The following DNAH7 variants were observed in gnomAD, a reference collection of about 807,000 sequenced individuals.
DNAH7 encodes the protein axonemal beta dynein heavy chain 7.
DNAH7 carries 397 observed loss-of-function variants against 444.6 expected under a neutral mutation model. The observed-to-expected ratio is 0.89, with a 90% CI of 0.82 to 0.97. The LOEUF (loss-of-function observed/expected upper bound fraction) is 0.97, where lower values mean the gene tolerates loss of function less well. Ranked by LOEUF, DNAH7 falls within the 50% of genes least tolerant of loss-of-function variation. DNAH7 has a pLI of 0.00. For synonymous variants in DNAH7, 1,636 were observed against 1,624.4 expected, an observed-to-expected ratio of 1.01 and a Z score of -0.17; for missense variants, 4,902 against 4,800.8, an observed-to-expected ratio of 1.02 and a Z score of -0.62.
intron 45 of DNAH7, 33 bp downstream of exon 45, chr2:195,855,777 GA>G (rs764875387): frequency 6.2e-7 from 1 of 1,603,898 alleles, no homozygotes; most frequent in Admixed American, 1.7e-5. Context: ...CGATAACTGA[GA>G]ATTTGTCCAT....
At chr2:195,775,805 T>C in intron 60 of DNAH7, 41 bp downstream of exon 60, 1 of 1,591,580 alleles carries the variant, frequency 6.3e-7, no homozygotes, top group Non-Finnish European at 8.6e-7. Flanking sequence ...GGGAGCATCC[T>C]TCCCAGGCCT....
chr2:195,970,324 T>C (rs183157808), intron 16 of DNAH7, among the ~76,000 whole-genome samples: 43 of 152,334 alleles, frequency 2.8e-4, no homozygotes, highest in Admixed American at 2.6e-3. Flanking sequence ...AACTCTGTAT[T>C]ATCTATGTAA....
At chr2:195,949,904 T>C (rs1690102045) in intron 19 of DNAH7, among the ~76,000 whole-genome samples, 1 of 152,198 alleles carries the variant, frequency 6.6e-6, no homozygotes, top group Admixed American at 6.5e-5. Flanking sequence ...TGGATTACGT[T>C]TACTGATTTG....
At chr2:195,920,815 A>G (rs947571837) in intron 24 of DNAH7, among the ~76,000 whole-genome samples, 1 of 152,226 alleles carries the variant, frequency 6.6e-6, no homozygotes, top group Non-Finnish European at 1.5e-5. Flanking sequence ...TTTGCAAACT[A>G]TGCATCTGAC....
At chr2:195,919,974 G>A (rs901101187) in intron 24 of DNAH7, among the ~76,000 whole-genome samples, 1 of 152,108 alleles carries the variant, frequency 6.6e-6, no homozygotes, top group Non-Finnish European at 1.5e-5. Context: ...GTACAGATAT[G>A]GGGTCTTCAA....
intron 5 of DNAH7, among the ~76,000 whole-genome samples, chr2:196,045,334 GAGGAAGGGAGGGAGGGA>G (rs1559365638): frequency 2.6e-5 from 4 of 151,404 alleles, no homozygotes; most frequent in Admixed American, 2.6e-4. Context: ...ATAAAAGAGG[GAGGAAGGGAGGGAGGGA>G]AGGAAGGAAG....
chr2:195,922,906 G>T (rs746697843), intron 23 of DNAH7, among the ~76,000 whole-genome samples: 1 of 151,878 alleles, frequency 6.6e-6, no homozygotes, highest in South Asian at 2.1e-4. Flanking sequence ...CTGTCACCCA[G>T]GCTGGAGTGC....
chr2:195,987,818 G>A (rs1693023504), intron 13 of DNAH7, 139 bp downstream of exon 13: 1 of 838,226 alleles, frequency 1.2e-6, no homozygotes, highest in African/African-American at 1.7e-5. Context: ...CAATGCTAGG[G>A]ACACATCAGA....
chr2:195,915,236 G>A lies in DNAH7; in HGVS notation c.3936-5041C>T, dbSNP rs370065085. 4.6e-5 allele frequency among the ~76,000 whole-genome samples: 7 copies of A among 152,262 alleles called. No homozygotes were observed. In the East Asian group the frequency reaches 1.2e-3, roughly 25 times the overall value. The stretch of plus-strand genomic sequence containing the variant: ...GATGAGAATCACTGAGGAGAGATTC[G>A]TAATGTAGGGAATGTCAGAGAAAGG... On this transcript the variant is annotated intron_variant, in intron 24 of 64. Coordinates refer to ENST00000312428, the MANE Select transcript of DNAH7 (RefSeq NM_018897.3).
chr2:195,798,318 C>T (rs1358674833), intron 55 of DNAH7, among the ~76,000 whole-genome samples: 1 of 152,158 alleles, frequency 6.6e-6, no homozygotes, highest in Non-Finnish European at 1.5e-5. Context: ...CAACAGTATA[C>T]ATTAAGCACT....
intron 10 of DNAH7, among the ~76,000 whole-genome samples, chr2:196,006,552 G>T (rs1326970111): frequency 7.2e-6 from 1 of 139,310 alleles, no homozygotes; most frequent in Non-Finnish European, 1.5e-5. Flanking sequence ...AGGGAAATTA[G>T]CTAAGGAAAG....
intron 17 of DNAH7, among the ~76,000 whole-genome samples, chr2:195,961,389 A>T (rs1691094290): frequency 6.6e-6 from 1 of 152,086 alleles, no homozygotes; most frequent in African/African-American, 2.4e-5. Context: ...ATCTTCCCCA[A>T]TCCCCACTAC....
chr2:196,055,945 T>C (rs1697774605), intron 2 of DNAH7, among the ~76,000 whole-genome samples: 1 of 152,230 alleles, frequency 6.6e-6, no homozygotes, highest in African/African-American at 2.4e-5. Context: ...GTGAGGACCT[T>C]AATGTTTTCT....
At chr2:195,916,815 G>A (rs1014723256) in intron 24 of DNAH7, among the ~76,000 whole-genome samples, 54 of 151,982 alleles carry the variant, frequency 3.6e-4, no homozygotes, top group South Asian at 2.1e-4. Flanking sequence ...TCAAGATTGC[G>A]TCAGCCGGGC....
rs563906085 is a variant in DNAH7, at chr2:195,966,704, T to C, written c.2205+3244A>G. Among the ~76,000 whole-genome samples the C allele has an allele frequency of 4.6e-5, 7 of 152,112 alleles. No homozygotes were observed. The East Asian group carries it at 1.3e-3, about 29-fold the overall frequency. On this transcript the variant is annotated intron_variant, in intron 17 of 64. Coordinates refer to ENST00000312428, the MANE Select transcript of DNAH7 (RefSeq NM_018897.3). ...GATCCTTGTATCGTTATATAATACT[T>C]TGTGTCTTCTCACAGTTTTTGTCTT...
Position 196,000,847 on chromosome 2 carries a change from T to C in DNAH7, c.1210A>G (p.Met404Val), listed in dbSNP as rs749295082. The part of the protein sequence containing the change: ...VRAFEHPGFI[M>V]RLILDNDTIK... ...GTGTCATTATCAAGAATCAGCCTCA[T>C]GATGAAACCTGGATGTTCAAAAGCT... Residue 404 changes from methionine (M) to valine (V), a missense_variant, in exon 12 of 65, where the codon ATG becomes GTG. Coordinates refer to ENST00000312428, the MANE Select transcript of DNAH7 (RefSeq NM_018897.3). 6 of 1,597,500 alleles carry C rather than the reference T, an allele frequency of 3.8e-6. No individual in the cohort carries two copies. In the Admixed American group the frequency reaches 6.9e-5, roughly 18 times the overall value.
intron 9 of DNAH7, among the ~76,000 whole-genome samples, chr2:196,013,469 T>A (rs189485236): frequency 6.6e-5 from 10 of 152,330 alleles, no homozygotes; most frequent in African/African-American, 2.2e-4. Flanking sequence ...ACACACGGTT[T>A]ACTCATCTAA....
In DNAH7 at chr2:195,858,801, T is replaced by G. The variant is rs760613810; in HGVS notation, c.7740A>C (p.Glu2580Asp). The G allele has an allele frequency of 8.1e-6, 13 of 1,602,950 alleles. No individual in the cohort carries two copies. The highest frequency in any genetic ancestry group is 5.2e-5 in the Admixed American group (3 of 58,204). The change falls in exon 43 of 65, where the codon GAA (glutamate) becomes GAC (aspartate). Residue 2580 changes from glutamate (E) to aspartate (D), a missense_variant. Transcript: ENST00000312428. ...CATATCTCTTTTTCATTTTCATTACTTCACTGGAAGGAAATAGATAAAACA... is the reference window on the plus strand; with the variant it reads ...CATATCTCTTTTTCATTTTCATTACGTCACTGGAAGGAAATAGATAAAACA... ...FKLLLEKKRS[E>D]VMKMKKRYEV... is the part of the protein sequence containing the mutation.
intron 61 of DNAH7, among the ~76,000 whole-genome samples, chr2:195,767,761 T>A (rs1694652894): frequency 6.6e-6 from 1 of 151,988 alleles, no homozygotes; most frequent in Admixed American, 6.6e-5. Flanking sequence ...TTATTTCACT[T>A]AAAAAATAAC....
Sources: gnomAD v4.1 joint callset for allele counts (sites outside exome capture counted in the v4.1 genomes callset) on GRCh38, gnomAD v4.1.1 for gene constraint, MANE v1.5 for transcripts, NCBI Gene and HGNC (gene_info 2026-07-23, HGNC 2026-07-21) for gene names.